PPFIA3: variants seen among roughly 807,000 people sequenced by gnomAD.
The protein encoded by PPFIA3 is PPFI scaffold protein A3, also known as liprin-alpha-3.
In PPFIA3, 26 loss-of-function variants were observed where a neutral mutation model predicts 145.8. The observed-to-expected ratio is 0.18, with a 90% CI of 0.13 to 0.25. PPFIA3 has a LOEUF of 0.25. Among genes scored for constraint, PPFIA3 ranks in the 10% least tolerant of loss-of-function variants. The pLI is 1.00. For synonymous variants in PPFIA3, 645 were observed against 661.4 expected (o/e 0.98, Z 0.38); for missense variants, 1,008 against 1,587.8 (o/e 0.63, Z 6.21).
Position 49,130,374 on chromosome 19 carries a change from C to T in PPFIA3, c.658-4C>T, listed in dbSNP as rs1376284735. On this transcript the variant is annotated splice_polypyrimidine_tract_variant and splice_region_variant and intron_variant, in intron 6 of 29. Coordinates refer to ENST00000334186, the MANE Select transcript of PPFIA3 (RefSeq NM_003660.4). The surrounding 1 kb of genome is among the most constrained non-coding windows in gnomAD (Gnocchi z 4.5). The stretch of plus-strand genomic sequence containing the variant: ...GATCTTGTCCCCTCCTTCCCTCACT[C>T]CAGACTCTTGCCAATGGCCTGGGTC... 1.3e-6 allele frequency: 2 copies of T among 1,599,846 alleles called. No homozygotes were observed. The highest frequency in any genetic ancestry group is 1.3e-5 in the African/African-American group (1 of 74,794).
At position 49,133,395 on chromosome 19, in the gene PPFIA3, G is replaced by A. The variant is rs754886108; in HGVS notation, c.1161+24G>A. ...AGGTGCGGGGAGGACTCGGGTCGGG[G>A]CCTTGCGTGGGGAAGGGGTGGGGCC... is the stretch of plus-strand genomic sequence containing the variant. On this transcript the variant is annotated intron_variant, in intron 9 of 29. Coordinates refer to ENST00000334186, the MANE Select transcript of PPFIA3 (RefSeq NM_003660.4). This position sits in a 1 kb window ranked among gnomAD's most constrained non-coding sequence, Gnocchi z 7.2. The A allele has an allele frequency of 1.6e-4, 255 of 1,575,380 alleles. No individual in the cohort carries two copies. The highest frequency in any genetic ancestry group is 2.1e-4 in the Non-Finnish European group (247 of 1,161,876).
chr19:49,146,330 C>G lies in PPFIA3; in HGVS notation c.2835+138C>G. On this transcript the variant is annotated intron_variant, in intron 23 of 29. Coordinates refer to ENST00000334186, the MANE Select transcript of PPFIA3 (RefSeq NM_003660.4). ...GGGGGGCGCTGCGCCAAGCTTGGCT[C>G]TGGACTGTTCCATTATGGCTTGGCG... is the stretch of plus-strand genomic sequence containing the variant. 4.5e-6 allele frequency: 5 copies of G among 1,099,354 alleles called. No individual in the cohort carries two copies. The South Asian group carries it at 7.8e-5, about 17-fold the overall frequency. 68.1% of individuals were successfully genotyped at this position (1,099,354 alleles called of 1,614,324 possible).
At chr19:49,147,686 A>AAG (rs143496485) in intron 23 of PPFIA3, among the ~76,000 whole-genome samples, 69,013 of 145,462 alleles carry the variant, frequency 0.47, 16,801 homozygotes, top group African/African-American at 0.57. Context: ...CTCTTTCAGA[A>AAG]AGAGAGAGAG....
Position 49,149,203 on chromosome 19 carries a change from T to C in PPFIA3, c.3285+35T>C. 6.2e-7 allele frequency: 1 copy of C among 1,613,788 alleles called. No individual in the cohort carries two copies. Among genetic ancestry groups the C allele is most frequent in the Non-Finnish European group, 8.5e-7 (1 of 1,179,874 alleles). On this transcript the variant is annotated intron_variant, in intron 26 of 29. Coordinates refer to ENST00000334186, the MANE Select transcript of PPFIA3 (RefSeq NM_003660.4). The surrounding 1 kb of genome is among the most constrained non-coding windows in gnomAD (Gnocchi z 5.7). ...CGCTGGGCCCGGAGCATGCTGGGCG[T>C]CCCCACCTCGCAGACTGCACGCTCC...
intron 19 of PPFIA3, 104 bp downstream of exon 19, chr19:49,141,617 A>G: frequency 1.6e-6 from 1 of 627,104 alleles, no homozygotes. Context: ...TGTGTGTGTG[A>G]GAGGGTGTGT....
Position 49,130,680 on chromosome 19 carries a change from C to A in PPFIA3, c.879+81C>A. 2 of 1,224,116 alleles carry A rather than the reference C, an allele frequency of 1.6e-6. No homozygotes were observed. The highest frequency in any genetic ancestry group is 2.3e-6 in the Non-Finnish European group (2 of 884,742). The allele number at this position is 1,224,116 out of a possible 1,614,324, so 75.8% of individuals were successfully genotyped here. A position where few individuals can be genotyped will look rare whatever the true frequency, so the allele number is the denominator to read the frequency against. On this transcript the variant is annotated intron_variant, in intron 7 of 29. Transcript: ENST00000334186. This position sits in a 1 kb window ranked among gnomAD's most constrained non-coding sequence, Gnocchi z 4.5. ...TCCCTCGCGCATTGCTCATGAATGG[C>A]GGAACCTCGATTCAGTCCACAGGCT...
intron 1 of PPFIA3, among the ~76,000 whole-genome samples, chr19:49,124,894 C>G (rs541982990): frequency 1.2e-4 from 18 of 152,220 alleles, no homozygotes; most frequent in African/African-American, 3.9e-4. Flanking sequence ...TGAAACCCGT[C>G]TCTACTAAAC....
At position 49,128,699 on chromosome 19, in the gene PPFIA3, G is replaced by T; in HGVS notation, c.343-149G>T. On this transcript the variant is annotated intron_variant, in intron 3 of 29. Transcript: ENST00000334186. This position sits in a 1 kb window ranked among gnomAD's most constrained non-coding sequence, Gnocchi z 4.1. ...TCTGTACCACCGGTTCCTTGACCCCGACCTCCTCTCTTTTCCTGACCTGTC... is the reference window on the plus strand; with the variant it reads ...TCTGTACCACCGGTTCCTTGACCCCTACCTCCTCTCTTTTCCTGACCTGTC... The T allele has an allele frequency of 1.2e-6, 1 of 865,024 alleles. No homozygotes were observed. Among genetic ancestry groups the T allele is most frequent in the South Asian group, 1.8e-5 (1 of 56,022 alleles). 53.6% of individuals were successfully genotyped at this position (865,024 alleles called of 1,614,324 possible).
At chr19:49,127,402 A>G (rs865932357) in intron 1 of PPFIA3, among the ~76,000 whole-genome samples, 6 of 150,056 alleles carry the variant, frequency 4.0e-5, no homozygotes, top group African/African-American at 1.5e-4. Flanking sequence ...AAAAAAAAAA[A>G]AAAAAGAAAG....
At position 49,133,153 on chromosome 19, in the gene PPFIA3, G is replaced by A; in HGVS notation, c.1026+6G>A. ...AGGAGTCGTTGTATCGGCAGGTGGG[G>A]GCGCGGCCGGGAGGGGCGATGGGGG... On this transcript the variant is annotated splice_donor_region_variant and intron_variant, in intron 8 of 29. Transcript: ENST00000334186. The surrounding 1 kb of genome is among the most constrained non-coding windows in gnomAD (Gnocchi z 7.2). The A allele has an allele frequency of 6.3e-7, 1 of 1,592,030 alleles. No individual in the cohort carries two copies. The highest frequency in any genetic ancestry group is 8.6e-7 in the Non-Finnish European group (1 of 1,167,832).
rs756596119 is a variant in PPFIA3, at chr19:49,134,096, G to A, written c.1308G>A (p.Lys436=). ...HNKRLSETVD[K]LLSESNERLQ... ...AGCGGCTGTCCGAGACGGTGGACAA[G>A]CTGCTGAGCGAGTCCAACGAGCGCT... The change falls in exon 11 of 30, where the codon AAG becomes AAA. Residue 436 remains lysine (K), a synonymous_variant. Coordinates refer to ENST00000334186, the MANE Select transcript of PPFIA3 (RefSeq NM_003660.4). The A allele has an allele frequency of 6.2e-7, 1 of 1,613,980 alleles. No individual in the cohort carries two copies. The highest frequency in any genetic ancestry group is 8.5e-7 in the Non-Finnish European group (1 of 1,179,934).
In PPFIA3 at chr19:49,134,588, C is replaced by A. The variant is rs559801195; in HGVS notation, c.1378-51C>A. ...GCACTGGGAGCTGCCTGCAGCCCCA[C>A]GGGCGTGGCCCCTCAGGCCTCACTC... On this transcript the variant is annotated intron_variant, in intron 11 of 29. Transcript: ENST00000334186. 13 of 1,553,292 alleles carry A rather than the reference C, an allele frequency of 8.4e-6. No individual in the cohort carries two copies. In the East Asian group the frequency reaches 2.9e-4, roughly 35 times the overall value.
At position 49,120,587 on chromosome 19, in the gene PPFIA3, G is replaced by C. The variant is rs1316153365; in HGVS notation, c.-16+865G>C. Among the ~76,000 whole-genome samples, 1 of 152,084 alleles carries C rather than the reference G, an allele frequency of 6.6e-6. No individual in the cohort carries two copies. The highest frequency in any genetic ancestry group is 1.5e-5 in the Non-Finnish European group (1 of 68,004). ...AATCCTGTTCCCCAGCGTTTGCTCTGCTTAGAACCCCGCTGTGCCCTGCAG... is the reference window on the plus strand; with the variant it reads ...AATCCTGTTCCCCAGCGTTTGCTCTCCTTAGAACCCCGCTGTGCCCTGCAG... On this transcript the variant is annotated intron_variant, in intron 1 of 29. Coordinates refer to ENST00000334186, the MANE Select transcript of PPFIA3 (RefSeq NM_003660.4). This position sits in a 1 kb window ranked among gnomAD's most constrained non-coding sequence, Gnocchi z 4.6.
intron 1 of PPFIA3, among the ~76,000 whole-genome samples, chr19:49,123,876 T>A (rs1018041592): frequency 6.6e-6 from 1 of 152,176 alleles, no homozygotes; most frequent in Admixed American, 6.5e-5. Context: ...ACTTGTCCCC[T>A]GGTGGATCGT....
At position 49,130,268 on chromosome 19, in the gene PPFIA3, T is replaced by A; in HGVS notation, c.658-110T>A. On this transcript the variant is annotated intron_variant, in intron 6 of 29. Coordinates refer to ENST00000334186, the MANE Select transcript of PPFIA3 (RefSeq NM_003660.4). The surrounding 1 kb of genome is among the most constrained non-coding windows in gnomAD (Gnocchi z 4.5). Reference sequence around the variant, plus strand: ...TGACCCCCGTGGACTCTGACCAGCATGATCCTTATTGATCTTTGATCTACT... The same window carrying A: ...TGACCCCCGTGGACTCTGACCAGCAAGATCCTTATTGATCTTTGATCTACT... The A allele has an allele frequency of 8.1e-7, 1 of 1,240,580 alleles. No individual in the cohort carries two copies. The highest frequency in any genetic ancestry group is 1.1e-6 in the Non-Finnish European group (1 of 896,514). The allele number at this position is 1,240,580 out of a possible 1,614,324, so 76.8% of individuals were successfully genotyped here.
At chr19:49,132,298 A>G (rs1340978653) in intron 7 of PPFIA3, among the ~76,000 whole-genome samples, 1 of 143,668 alleles carries the variant, frequency 7.0e-6, no homozygotes, top group Non-Finnish European at 1.5e-5. Flanking sequence ...TTGAGGCAGG[A>G]GAATCGTTTG....
At chr19:49,141,591 T>C in intron 19 of PPFIA3, 78 bp downstream of exon 19, 2 of 1,161,092 alleles carry the variant, frequency 1.7e-6, no homozygotes, top group Non-Finnish European at 2.5e-6. Context: ...TGCGTGTATG[T>C]GTGTGTATGA....
At chr19:49,129,897 G>A in intron 5 of PPFIA3, 96 bp from the exon 6 acceptor site, 1 of 1,325,798 alleles carries the variant, frequency 7.5e-7, no homozygotes, top group Non-Finnish European at 1.1e-6. Context: ...CATCTCATAT[G>A]GGGCCGCCTA....
At position 49,128,491 on chromosome 19, in the gene PPFIA3, C is replaced by T; in HGVS notation, c.342+23C>T. The stretch of plus-strand genomic sequence containing the variant: ...CGGGTGAGGGGTGTTGAGGGCGGGG[C>T]CTAAGTGGGGGCGGGGCCTCGTGGT... On this transcript the variant is annotated intron_variant, in intron 3 of 29. Transcript: ENST00000334186. This position sits in a 1 kb window ranked among gnomAD's most constrained non-coding sequence, Gnocchi z 4.1. 1.3e-6 allele frequency: 2 copies of T among 1,568,412 alleles called. No individual in the cohort carries two copies. Among genetic ancestry groups the T allele is most frequent in the Non-Finnish European group, 1.7e-6 (2 of 1,149,380 alleles).
Sources: allele counts gnomAD v4.1 joint callset (sites outside exome capture counted in the v4.1 genomes callset), GRCh38; gene constraint gnomAD v4.1.1; non-coding constraint Gnocchi (gnomAD v3.1); transcripts MANE v1.5; gene names NCBI Gene and HGNC (gene_info 2026-07-23, HGNC 2026-07-21).